RAVER2: variants seen among roughly 807,000 people sequenced by gnomAD.
RAVER2 encodes the protein ribonucleoprotein PTB-binding 2.
Under a neutral mutation model 78.1 loss-of-function variants are expected in RAVER2, and 46 were observed. The ratio of observed to expected loss-of-function variants is 0.59; its 90% CI spans 0.46 to 0.75. The LOEUF (loss-of-function observed/expected upper bound fraction) is 0.75, where lower values mean the gene tolerates loss of function less well. RAVER2 is among the 30% of genes least tolerant of loss of function. The pLI, the probability that RAVER2 is intolerant of heterozygous loss-of-function variation, is 0.00. For missense variants in RAVER2, 793 were observed against 837.5 expected (o/e 0.95, Z 0.66); for synonymous variants, 311 against 313.3 (o/e 0.99, Z 0.08).
At chr1:64,813,574 C>G (rs1013267202) in intron 10 of RAVER2, among the ~76,000 whole-genome samples, 3 of 151,874 alleles carry the variant, frequency 2.0e-5, no homozygotes, top group African/African-American at 7.3e-5. Context: ...TAAACTATTA[C>G]CTCTGGGAAG....
At chr1:64,764,392 G>A (rs1360804502) in intron 1 of RAVER2, among the ~76,000 whole-genome samples, 2 of 150,576 alleles carry the variant, frequency 1.3e-5, no homozygotes, top group Non-Finnish European at 3.0e-5. Context: ...AAAAAAAACA[G>A]CACACAAAAA....
rs959395284 is a variant in RAVER2 at position 64,745,772 on chromosome 1, G to A, written c.249+351G>A. ...AGGTGAGTTGTGGAGCACACATTTTGCGGGGGGGAGCGGGGGTAGAGGGGG... is the reference window on the plus strand; with the variant it reads ...AGGTGAGTTGTGGAGCACACATTTTACGGGGGGGAGCGGGGGTAGAGGGGG... On this transcript the variant is annotated intron_variant, in intron 1 of 11. Coordinates refer to ENST00000294428, the Ensembl canonical transcript of RAVER2. The surrounding 1 kb of genome is among the most constrained non-coding windows in gnomAD (Gnocchi z 4.3). 6.6e-6 allele frequency among the ~76,000 whole-genome samples: 1 copy of A among 151,772 alleles called. No homozygotes were observed. The highest frequency in any genetic ancestry group is 1.5e-5 in the Non-Finnish European group (1 of 67,934).
At chr1:64,814,603 A>G in intron 10 of RAVER2, 101 bp from the exon 11 acceptor site, 1 of 634,934 alleles carries the variant, frequency 1.6e-6, no homozygotes, top group Non-Finnish European at 2.1e-6. Flanking sequence ...ATTTGTTTAT[A>G]ATATAACTTA....
At chr1:64,776,800 G>A (rs1557589849) in intron 2 of RAVER2, among the ~76,000 whole-genome samples, 1 of 152,052 alleles carries the variant, frequency 6.6e-6, no homozygotes, top group Non-Finnish European at 1.5e-5. Context: ...TGGTTAAAAT[G>A]TAATTTTACC....
intron 1 of RAVER2, among the ~76,000 whole-genome samples, chr1:64,764,366 C>A (rs1652116280): frequency 6.6e-6 from 1 of 150,818 alleles, no homozygotes. Context: ...ACTATTTTCC[C>A]ATATGGGAAA....
At chr1:64,829,331 A>T (rs1391925716) in intron 11 of RAVER2, among the ~76,000 whole-genome samples, 1 of 152,102 alleles carries the variant, frequency 6.6e-6, no homozygotes, top group African/African-American at 2.4e-5. Flanking sequence ...TCTTTGGAAA[A>T]TCTCACTTGT....
At chr1:64,785,484 C>T (rs1196348658) in intron 4 of RAVER2, among the ~76,000 whole-genome samples, 1 of 151,940 alleles carries the variant, frequency 6.6e-6, no homozygotes, top group Admixed American at 6.6e-5. Context: ...ACTCTCGTGC[C>T]TCAGCCTCCT....
chr1:64,785,525 C>T (rs1257464964), intron 4 of RAVER2, among the ~76,000 whole-genome samples: 1 of 151,974 alleles, frequency 6.6e-6, no homozygotes, highest in Non-Finnish European at 1.5e-5. Flanking sequence ...TGCACCACCA[C>T]GTCCAGCTAA....
rs778135598 is a variant in RAVER2, at chr1:64,777,669, G to A, written c.363G>A (p.Gln121=). 3.2e-5 allele frequency: 52 copies of A among 1,613,872 alleles called. No homozygotes were observed. The East Asian group carries it at 1.1e-3, about 35-fold the overall frequency. The change falls in exon 3 of 12, where the codon CAG becomes CAA. Residue 121 remains glutamine, a synonymous_variant. Coordinates refer to ENST00000294428, the Ensembl canonical transcript of RAVER2. The stretch of plus-strand genomic sequence containing the variant: ...GGGAACAAGCCCAGAACGCAATTCA[G>A]ATGTTTCATCAATATTCTTTTAGAG...
chr1:64,812,881 GTTTTAC>G, intron 10 of RAVER2, 32 bp downstream of exon 10: 1 of 1,446,130 alleles, frequency 6.9e-7, no homozygotes, highest in Non-Finnish European at 9.4e-7. Flanking sequence ...TTGTTGTGGA[GTTTTAC>G]TGAATACTTT....
intron 1 of RAVER2, among the ~76,000 whole-genome samples, chr1:64,751,572 A>G (rs1392172394): frequency 6.6e-6 from 1 of 152,028 alleles, no homozygotes; most frequent in Non-Finnish European, 1.5e-5. Flanking sequence ...CTTATGGACA[A>G]AAAGTTTTTG....
chr1:64,823,508 T>A (rs1302540113), intron 11 of RAVER2, among the ~76,000 whole-genome samples: 1 of 152,228 alleles, frequency 6.6e-6, no homozygotes, highest in African/African-American at 2.4e-5. Context: ...CCTGTCAATA[T>A]GAATGTACAA....
At chr1:64,763,059 C>T (rs1209552292) in intron 1 of RAVER2, among the ~76,000 whole-genome samples, 1 of 152,164 alleles carries the variant, frequency 6.6e-6, no homozygotes, top group Non-Finnish European at 1.5e-5. Flanking sequence ...CCTGTAATCC[C>T]AGCACTTTGG....
At chr1:64,820,022 T>A (rs952851798) in intron 11 of RAVER2, among the ~76,000 whole-genome samples, 25 of 152,288 alleles carry the variant, frequency 1.6e-4, no homozygotes, top group Middle Eastern at 3.4e-3. Context: ...GGGTTTATAA[T>A]GTATATAGAT....
intron 5 of RAVER2, among the ~76,000 whole-genome samples, chr1:64,801,340 C>T (rs1187651585): frequency 6.6e-6 from 1 of 151,324 alleles, no homozygotes; most frequent in Non-Finnish European, 1.5e-5. Flanking sequence ...CTCAAACAAT[C>T]CGCCCACCTT....
intron 11 of RAVER2, among the ~76,000 whole-genome samples, chr1:64,823,802 ATTTTTTTT>A (rs759134955): frequency 8.1e-6 from 1 of 122,846 alleles, no homozygotes; most frequent in Non-Finnish European, 1.7e-5. Flanking sequence ...GTAAGTTGTG[ATTTTTTTT>A]TTTTTTTTTT....
intron 1 of RAVER2, among the ~76,000 whole-genome samples, chr1:64,758,963 G>A (rs1651932617): frequency 6.7e-6 from 1 of 150,092 alleles, no homozygotes; most frequent in African/African-American, 2.5e-5. Context: ...ATTTATGTAT[G>A]GTTATTCTTT....
In RAVER2 at chr1:64,762,679, A is replaced by T. The variant is rs111402855; in HGVS notation, c.250-5977A>T. Among the ~76,000 whole-genome samples, 14 of 152,348 alleles carry T rather than the reference A, an allele frequency of 9.2e-5. 1 individual carries two copies. Among genetic ancestry groups the T allele is most frequent in the African/African-American group, 3.1e-4 (13 of 41,580 alleles). On this transcript the variant is annotated intron_variant, in intron 1 of 11. Coordinates refer to ENST00000294428, the Ensembl canonical transcript of RAVER2. The stretch of plus-strand genomic sequence containing the variant: ...GATGCTAGGGCAGTTTGATATTCAA[A>T]TCAAAAAAATTGAACCTTGACCCCT...
intron 1 of RAVER2, among the ~76,000 whole-genome samples, chr1:64,767,718 A>G (rs1392052517): frequency 2.0e-5 from 3 of 152,000 alleles, no homozygotes; most frequent in Non-Finnish European, 4.4e-5. Context: ...AGGGCCACAT[A>G]TTGATTTAAC....
Sources: gnomAD v4.1 joint callset for allele counts (sites outside exome capture counted in the v4.1 genomes callset) on GRCh38, gnomAD v4.1.1 for gene constraint, Gnocchi (gnomAD v3.1) non-coding constraint, MANE v1.5 for transcripts, NCBI Gene and HGNC (gene_info 2026-07-23, HGNC 2026-07-21) for gene names.